Variants in RASSF9 observed in about 807,000 individuals in gnomAD.
The protein encoded by RASSF9 is Ras association domain family member 9, also known as ras association domain-containing protein 9.
A neutral mutation model predicts 21.4 loss-of-function variants in RASSF9; 18 were observed. That is an observed-to-expected ratio of 0.84 (90% CI 0.58 to 1.25). The LOEUF (loss-of-function observed/expected upper bound fraction) is 1.25, where lower values mean the gene tolerates loss of function less well. RASSF9 is among the 50% of genes most tolerant of loss of function. The pLI, the probability that RASSF9 is intolerant of heterozygous loss-of-function variation, is 0.00. For missense variants in RASSF9, 480 were observed against 503.2 expected (o/e 0.95, Z 0.44); for synonymous variants, 183 against 179.1 (o/e 1.02, Z -0.18).
chr12:85,830,086 C>G (rs1880417301), intron 1 of RASSF9, among the ~76,000 whole-genome samples: 1 of 152,080 alleles, frequency 6.6e-6, no homozygotes, highest in Admixed American at 6.6e-5. Flanking sequence ...GCTAAACTAT[C>G]TCAAATGAGT....
chr12:85,818,462 A>G (rs1431905904), intron 1 of RASSF9, among the ~76,000 whole-genome samples: 25 of 152,228 alleles, frequency 1.6e-4, no homozygotes, highest in Admixed American at 1.6e-3. Flanking sequence ...TGAAAACAAA[A>G]TATAATATCT....
At chr12:85,818,917 C>T (rs1263204539) in intron 1 of RASSF9, among the ~76,000 whole-genome samples, 1 of 145,370 alleles carries the variant, frequency 6.9e-6, no homozygotes, top group African/African-American at 2.6e-5. Context: ...TGATATCGCG[C>T]CACTATACTC....
rs1879815855 is a variant in RASSF9, at chr12:85,805,752, G to A, written c.258C>T (p.Ser86=). The part of the protein sequence containing the change: ...DYCIIEKWRG[S]ERVLPPLTRI... ...TAGTTAGTGGAGGAAGAACCCTTTC[G>A]GAGCCTCTCCACTTCTCTATGATGC... The change falls in exon 2 of 2, where the codon TCC becomes TCT. Residue 86 remains serine, a synonymous_variant. Transcript: ENST00000361228. 6.2e-7 allele frequency: 1 copy of A among 1,613,664 alleles called. No individual in the cohort carries two copies.
At chr12:85,812,378 A>G (rs901893735) in intron 1 of RASSF9, among the ~76,000 whole-genome samples, 1 of 151,336 alleles carries the variant, frequency 6.6e-6, no homozygotes, top group East Asian at 1.9e-4. Context: ...ATCACATAGT[A>G]TGTTTGAAAA....
intron 1 of RASSF9, among the ~76,000 whole-genome samples, chr12:85,815,824 C>T (rs1466998346): frequency 6.6e-6 from 1 of 151,710 alleles, no homozygotes; most frequent in African/African-American, 2.4e-5. Flanking sequence ...GTTTAAGTTC[C>T]TTATAGAGGC....
At chr12:85,834,535 A>C (rs1321840616) in intron 1 of RASSF9, among the ~76,000 whole-genome samples, 4 of 152,112 alleles carry the variant, frequency 2.6e-5, no homozygotes, top group Non-Finnish European at 5.9e-5. Context: ...TCAGGGGCGC[A>C]TGCAAAGTTT....
chr12:85,821,100 C>A (rs565425639), intron 1 of RASSF9, among the ~76,000 whole-genome samples: 3 of 151,562 alleles, frequency 2.0e-5, no homozygotes, highest in Non-Finnish European at 4.4e-5. Context: ...GCCAAGATGG[C>A]GCCACTGCAC....
At chr12:85,826,846 C>T (rs1397507212) in intron 1 of RASSF9, among the ~76,000 whole-genome samples, 2 of 152,068 alleles carry the variant, frequency 1.3e-5, no homozygotes, top group Non-Finnish European at 2.9e-5. Flanking sequence ...GTTCCCACCA[C>T]AATATAAAGA....
chr12:85,828,445 G>A (rs1259220112), intron 1 of RASSF9, among the ~76,000 whole-genome samples: 1 of 152,002 alleles, frequency 6.6e-6, no homozygotes, highest in East Asian at 1.9e-4. Flanking sequence ...TTGTATGCTT[G>A]TATCAAAATA....
intron 1 of RASSF9, among the ~76,000 whole-genome samples, chr12:85,832,301 C>G (rs1880469106): frequency 6.6e-6 from 1 of 151,836 alleles, no homozygotes; most frequent in Admixed American, 6.6e-5. Context: ...TGTTATGCTT[C>G]TAGCAAGGTT....
rs768413297 is a variant in RASSF9, at chr12:85,805,677, T to C, written c.333A>G (p.Gln111=). 24 of 1,613,874 alleles carry C rather than the reference T, an allele frequency of 1.5e-5. No homozygotes were observed. The highest frequency in any genetic ancestry group is 1.9e-5 in the Non-Finnish European group (23 of 1,179,902). The stretch of plus-strand genomic sequence containing the variant: ...AAGCATCTGCTTTAACCAAAACAAA[T>C]TGCATATTGGGCTGCTCATCTCCCC... The part of the protein sequence containing the change: ...KAWGDEQPNM[Q]FVLVKADAFL... The change falls in exon 2 of 2, where the codon CAA becomes CAG. Residue 111 remains glutamine (Q), a synonymous_variant. Transcript: ENST00000361228.
At chr12:85,812,972 T>A (rs1374352261) in intron 1 of RASSF9, among the ~76,000 whole-genome samples, 12 of 151,844 alleles carry the variant, frequency 7.9e-5, no homozygotes, top group Admixed American at 7.9e-4. Context: ...TAGTATACAC[T>A]TTGGATCAAA....
rs200912923 is a variant in RASSF9, at chr12:85,805,282, A to C, written c.728T>G (p.Val243Gly). Residue 243 changes from valine to glycine, a missense_variant, in exon 2 of 2, where the codon GTT (valine) becomes GGT (glycine). Coordinates refer to ENST00000361228, the MANE Select transcript of RASSF9 (RefSeq NM_005447.4). ...DAYLMPSFSE[V>G]EQNLDLQYEE... ...ATACTGCAAGTCTAGATTTTGCTCA[A>C]CTTCACTGAAACTGGGCATTAAATA... is the stretch of plus-strand genomic sequence containing the variant. The C allele has an allele frequency of 3.2e-4, 518 of 1,613,396 alleles. No individual in the cohort carries two copies. The highest frequency in any genetic ancestry group is 4.3e-4 in the Non-Finnish European group (509 of 1,179,866).
At chr12:85,809,239 T>C (rs946663452) in intron 1 of RASSF9, among the ~76,000 whole-genome samples, 1 of 152,042 alleles carries the variant, frequency 6.6e-6, no homozygotes, top group Non-Finnish European at 1.5e-5. Flanking sequence ...AATTTATAAG[T>C]TTTATAATTT....
intron 1 of RASSF9, among the ~76,000 whole-genome samples, chr12:85,823,786 A>G (rs73383703): frequency 0.053 from 8,072 of 152,246 alleles, 465 homozygotes; most frequent in African/African-American, 0.14. Context: ...CTCTACCTGA[A>G]CTGAGCCCTC....
At position 85,805,684 on chromosome 12, in the gene RASSF9, T is replaced by C. The variant is rs559490591; in HGVS notation, c.326A>G (p.Asn109Ser). Residue 109 changes from asparagine to serine, a missense_variant, in exon 2 of 2, where the codon AAT becomes AGT. Transcript: ENST00000361228. ...TGCTTTAACCAAAACAAATTGCATA[T>C]TGGGCTGCTCATCTCCCCACGCTTT... is the stretch of plus-strand genomic sequence containing the variant. ...LWKAWGDEQP[N>S]MQFVLVKADA... 1 of 1,613,982 alleles carries C rather than the reference T, an allele frequency of 6.2e-7. No individual in the cohort carries two copies.
chr12:85,825,079 T>G (rs1274751499), intron 1 of RASSF9, among the ~76,000 whole-genome samples: 4 of 152,134 alleles, frequency 2.6e-5, no homozygotes, highest in East Asian at 1.9e-4. Flanking sequence ...CTCGGCTCAC[T>G]GCAACCTCTA....
At chr12:85,827,308 C>A (rs986938557) in intron 1 of RASSF9, among the ~76,000 whole-genome samples, 1 of 152,248 alleles carries the variant, frequency 6.6e-6, no homozygotes, top group Non-Finnish European at 1.5e-5. Flanking sequence ...TTTAAGTTCT[C>A]TTTCTAAACT....
In RASSF9 at chr12:85,818,798, A is replaced by G. The variant is rs377107750; in HGVS notation, c.48-12836T>C. On this transcript the variant is annotated intron_variant, in intron 1 of 1. Transcript: ENST00000361228. ...ACATGGTGAAACCTCGTCTCTACTA[A>G]AAACACATAAATTAGCCGGGCGTGG... 1.4e-3 allele frequency among the ~76,000 whole-genome samples: 215 copies of G among 151,552 alleles called. 1 individual carries two copies. Among genetic ancestry groups the G allele is most frequent in the African/African-American group, 4.9e-3 (204 of 41,378 alleles).
Sources: allele counts gnomAD v4.1 joint callset (sites outside exome capture counted in the v4.1 genomes callset), GRCh38; gene constraint gnomAD v4.1.1; transcripts MANE v1.5; gene names NCBI Gene and HGNC (gene_info 2026-07-23, HGNC 2026-07-21).